CLXN: variants seen among roughly 807,000 people sequenced by gnomAD.
CLXN encodes the protein EF-hand calcium binding domain 1.
the CLXN span, chr8:48,729,089 C>T: frequency 1.2e-6 from 2 of 1,613,638 alleles, no homozygotes; most frequent in Non-Finnish European, 1.7e-6. Context: ...AGAAGAGTCT[C>T]TTCTCTCACA....
chr8:48,721,409 T>C, the CLXN span, among the ~76,000 whole-genome samples: 24 of 152,068 alleles, frequency 1.6e-4, no homozygotes, highest in Non-Finnish European at 1.0e-4. Context: ...CTCAATACAA[T>C]CCTTATCAAA....
the CLXN span, among the ~76,000 whole-genome samples, chr8:48,728,560 C>A: frequency 2.0e-5 from 3 of 152,156 alleles, no homozygotes; most frequent in Non-Finnish European, 2.9e-5. Flanking sequence ...CCTAAACTCT[C>A]CAAGCCTTGG....
chr8:48,721,527 TG>T, the CLXN span, among the ~76,000 whole-genome samples: 6 of 152,292 alleles, frequency 3.9e-5, no homozygotes, highest in South Asian at 1.0e-3. Context: ...GGAACAAAGC[TG>T]AAGACGTCAT....
the CLXN span, chr8:48,729,849 C>T: frequency 5.4e-4 from 871 of 1,612,250 alleles, 1 homozygote; most frequent in Non-Finnish European, 7.1e-4. Flanking sequence ...CGTCACCATT[C>T]AAATCAAACA....
the CLXN span, among the ~76,000 whole-genome samples, chr8:48,725,058 C>G: frequency 6.6e-6 from 1 of 152,124 alleles, no homozygotes; most frequent in Non-Finnish European, 1.5e-5. Flanking sequence ...CAGAGACTGG[C>G]CAGAAACTTG....
chr8:48,727,572 T>C, the CLXN span, among the ~76,000 whole-genome samples: 2 of 151,796 alleles, frequency 1.3e-5, no homozygotes, highest in Non-Finnish European at 2.9e-5. Flanking sequence ...TGCACAGGCA[T>C]GGAGGAGGCA....
the CLXN span, chr8:48,715,044 A>C: frequency 6.6e-6 from 1 of 152,242 alleles, no homozygotes; most frequent in Non-Finnish European, 1.5e-5. Context: ...ACACCAAGAC[A>C]AAAGTGCATT....
chr8:48,727,955 C>T, the CLXN span, among the ~76,000 whole-genome samples: 3 of 151,940 alleles, frequency 2.0e-5, no homozygotes, highest in Non-Finnish European at 2.9e-5. Context: ...AACAACTGGG[C>T]GTATGTGGTT....
At chr8:48,718,804 A>G in the CLXN span, among the ~76,000 whole-genome samples, 2 of 152,142 alleles carry the variant, frequency 1.3e-5, no homozygotes, top group Non-Finnish European at 2.9e-5. Flanking sequence ...CAGCAAAAGT[A>G]GTATTGAGGA....
the CLXN span, among the ~76,000 whole-genome samples, chr8:48,733,254 T>A: frequency 2.0e-5 from 3 of 152,154 alleles, no homozygotes; most frequent in Admixed American, 2.0e-4. Flanking sequence ...CATTTTTCCA[T>A]CTCAGCTGAA....
chr8:48,731,955 A>T, the CLXN span, among the ~76,000 whole-genome samples: 1 of 152,168 alleles, frequency 6.6e-6, no homozygotes, highest in Admixed American at 6.5e-5. Context: ...GCCTTCATTA[A>T]TTCATAAGCC....
chr8:48,725,335 G>A, the CLXN span, among the ~76,000 whole-genome samples: 2 of 152,202 alleles, frequency 1.3e-5, no homozygotes, highest in Admixed American at 6.5e-5. Context: ...AGTGATAGTA[G>A]TTAGATATTA....
At chr8:48,731,238 C>A in the CLXN span, 16 of 1,114,378 alleles carry the variant, frequency 1.4e-5, no homozygotes, top group Non-Finnish European at 1.7e-5. Context: ...TCCAATGACA[C>A]TGGGAATGCA....
the CLXN span, among the ~76,000 whole-genome samples, chr8:48,731,868 C>T: frequency 2.0e-4 from 31 of 152,166 alleles, no homozygotes; most frequent in Non-Finnish European, 3.8e-4. Flanking sequence ...ATGGCATTTA[C>T]GAGATTTACA....
chr8:48,713,654 AC>A, the CLXN span: 1 of 152,214 alleles, frequency 6.6e-6, no homozygotes, highest in South Asian at 2.1e-4. Context: ...TTATCACTTT[AC>A]ATGGTGAATG....
At chr8:48,713,423 CCT>C in the CLXN span, among the ~76,000 whole-genome samples, 6 of 152,116 alleles carry the variant, frequency 3.9e-5, no homozygotes, top group African/African-American at 1.2e-4. Context: ...GAAATGGCCC[CCT>C]GAGATAAGAC....
the CLXN span, among the ~76,000 whole-genome samples, chr8:48,721,674 A>G: frequency 6.6e-6 from 1 of 152,384 alleles, no homozygotes; most frequent in East Asian, 1.9e-4. Context: ...GATCTTCCAC[A>G]AAGGTGCCAA....
At chr8:48,719,652 A>G in the CLXN span, among the ~76,000 whole-genome samples, 9 of 152,220 alleles carry the variant, frequency 5.9e-5, no homozygotes, top group South Asian at 2.1e-4. Flanking sequence ...ACAATAACAA[A>G]AAGGAAAGTA....
the CLXN span, among the ~76,000 whole-genome samples, chr8:48,719,576 A>G: frequency 6.6e-6 from 1 of 152,216 alleles, no homozygotes; most frequent in Non-Finnish European, 1.5e-5. Context: ...TGCCATGACC[A>G]GGTGGAATTC....
Sources: gnomAD v4.1 joint callset for allele counts (sites outside exome capture counted in the v4.1 genomes callset) on GRCh38, gnomAD v4.1.1 for gene constraint, MANE v1.5 for transcripts, NCBI Gene and HGNC (gene_info 2026-07-23, HGNC 2026-07-21) for gene names.